GALNT13: variants seen among roughly 807,000 people sequenced by gnomAD.
GALNT13 encodes the protein polypeptide N-acetylgalactosaminyltransferase 13, also known as UDP-GalNAc:polypeptide N-acetylgalactosaminyltransferase 13.
A neutral mutation model predicts 64.2 loss-of-function variants in GALNT13; 28 were observed. The observed-to-expected ratio is 0.44, with a 90% CI of 0.32 to 0.60. GALNT13 has a LOEUF of 0.60. Among genes scored for constraint, GALNT13 ranks in the 20% least tolerant of loss-of-function variants. The pLI is 0.05. For missense variants in GALNT13, 577 were observed against 669.8 expected (o/e 0.86, Z 1.53); for synonymous variants, 214 against 224.6 (o/e 0.95, Z 0.42).
the GALNT13 span, among the ~76,000 whole-genome samples, chr2:153,267,856 G>T: frequency 3.9e-3 from 592 of 152,234 alleles, 5 homozygotes; most frequent in African/African-American, 0.013. Flanking sequence ...TTTTAGACTT[G>T]CCTCTTTTTA....
chr2:153,185,093 G>A, the GALNT13 span, among the ~76,000 whole-genome samples: 4 of 151,998 alleles, frequency 2.6e-5, no homozygotes, highest in African/African-American at 4.8e-5. Flanking sequence ...TTTGGCCCTG[G>A]GCTTTTTTCG....
the GALNT13 span, among the ~76,000 whole-genome samples, chr2:153,115,924 G>A: frequency 2.6e-5 from 4 of 152,144 alleles, no homozygotes; most frequent in African/African-American, 7.2e-5. Flanking sequence ...ATCAATTTGT[G>A]TGACACTTTT....
At chr2:154,074,947 C>G (rs780008701) in intron 3 of GALNT13, among the ~76,000 whole-genome samples, 15 of 151,882 alleles carry the variant, frequency 9.9e-5, no homozygotes, top group Non-Finnish European at 2.2e-4. Flanking sequence ...CAACATCATA[C>G]TGAATGGGCA....
At chr2:153,920,625 G>T (rs1471324902) in intron 2 of GALNT13, among the ~76,000 whole-genome samples, 1 of 151,994 alleles carries the variant, frequency 6.6e-6, no homozygotes, top group Non-Finnish European at 1.5e-5. Flanking sequence ...AATAAAAATT[G>T]ACAAATGGGA....
At chr2:154,255,615 A>C (rs1027650354) in intron 7 of GALNT13, among the ~76,000 whole-genome samples, 3 of 152,098 alleles carry the variant, frequency 2.0e-5, no homozygotes, top group African/African-American at 7.2e-5. Context: ...TTATGAGACA[A>C]GAGGAGAGAG....
chr2:153,672,543 A>G, the GALNT13 span, among the ~76,000 whole-genome samples: 1 of 152,224 alleles, frequency 6.6e-6, no homozygotes, highest in Non-Finnish European at 1.5e-5. Context: ...TCTGGGACAC[A>G]GCTAAAGCAG....
At chr2:154,079,483 C>G (rs1303932513) in intron 3 of GALNT13, among the ~76,000 whole-genome samples, 2 of 151,486 alleles carry the variant, frequency 1.3e-5, no homozygotes, top group African/African-American at 4.8e-5. Context: ...TATTTAACAG[C>G]TTTATAACAG....
At chr2:154,418,460 G>A (rs768259240) in intron 11 of GALNT13, among the ~76,000 whole-genome samples, 23 of 152,158 alleles carry the variant, frequency 1.5e-4, no homozygotes, top group Non-Finnish European at 3.1e-4. Context: ...GGAAGCAGAG[G>A]GAGAAGAAAA....
At chr2:153,114,942 T>C in the GALNT13 span, among the ~76,000 whole-genome samples, 2 of 152,150 alleles carry the variant, frequency 1.3e-5, no homozygotes, top group African/African-American at 2.4e-5. Context: ...ATACAAACCA[T>C]GTGACTTTGG....
the GALNT13 span, among the ~76,000 whole-genome samples, chr2:153,743,846 A>G: frequency 5.9e-5 from 9 of 152,164 alleles, no homozygotes; most frequent in South Asian, 1.5e-3. Flanking sequence ...CTTTCCAGCC[A>G]TCTTTCTTTC....
chr2:153,156,510 G>A, the GALNT13 span, among the ~76,000 whole-genome samples: 1 of 152,078 alleles, frequency 6.6e-6, no homozygotes, highest in Non-Finnish European at 1.5e-5. Context: ...TGGTGTTTCT[G>A]GGTGGACGAT....
the GALNT13 span, among the ~76,000 whole-genome samples, chr2:153,536,972 A>G: frequency 6.6e-6 from 1 of 152,228 alleles, no homozygotes; most frequent in East Asian, 1.9e-4. Flanking sequence ...CATTTAGTTA[A>G]AAGCTAACTA....
chr2:153,167,055 G>A, the GALNT13 span, among the ~76,000 whole-genome samples: 63 of 152,324 alleles, frequency 4.1e-4, no homozygotes, highest in African/African-American at 1.5e-3. Flanking sequence ...CTCCTGACCC[G>A]AAGAAACTAT....
At chr2:153,588,306 G>T in the GALNT13 span, among the ~76,000 whole-genome samples, 1 of 152,208 alleles carries the variant, frequency 6.6e-6, no homozygotes, top group Admixed American at 6.5e-5. Flanking sequence ...CTCTGACCCT[G>T]CATTTTCCTT....
chr2:154,023,719 G>A (rs1697713339), intron 3 of GALNT13, among the ~76,000 whole-genome samples: 1 of 152,138 alleles, frequency 6.6e-6, no homozygotes, highest in South Asian at 2.1e-4. Flanking sequence ...TGTTATGTAT[G>A]AATTTGATCC....
chr2:153,826,822 C>A, the GALNT13 span, among the ~76,000 whole-genome samples: 2 of 151,906 alleles, frequency 1.3e-5, no homozygotes, highest in African/African-American at 4.8e-5. Context: ...TACACTAATG[C>A]AAAAGTTGGG....
At chr2:154,294,414 C>T (rs955134250) in intron 8 of GALNT13, among the ~76,000 whole-genome samples, 2 of 152,150 alleles carry the variant, frequency 1.3e-5, no homozygotes, top group African/African-American at 4.8e-5. Flanking sequence ...AGGAGTGAGA[C>T]CATTGGAACC....
At chr2:154,153,780 T>A (rs1007062278) in intron 4 of GALNT13, among the ~76,000 whole-genome samples, 2 of 152,222 alleles carry the variant, frequency 1.3e-5, no homozygotes, top group African/African-American at 2.4e-5. Context: ...TTAAGCCCAT[T>A]GGAAAAGCGC....
chr2:153,905,950 A>T (rs979675870), intron 2 of GALNT13, among the ~76,000 whole-genome samples: 1 of 151,978 alleles, frequency 6.6e-6, no homozygotes, highest in African/African-American at 2.4e-5. Flanking sequence ...TAGCATGAGG[A>T]TGCTGGACAA....
Sources: gnomAD v4.1 joint callset for allele counts (sites outside exome capture counted in the v4.1 genomes callset) on GRCh38, gnomAD v4.1.1 for gene constraint, MANE v1.5 for transcripts, NCBI Gene and HGNC (gene_info 2026-07-23, HGNC 2026-07-21) for gene names.